Variants in SFRP1 observed in about 807,000 individuals in gnomAD.
SFRP1 encodes the protein secreted frizzled-related protein 1.
A neutral mutation model predicts 25.9 loss-of-function variants in SFRP1; 9 were observed. The ratio of observed to expected loss-of-function variants is 0.35; its 90% CI spans 0.21 to 0.61. SFRP1 has a LOEUF of 0.61. Among genes scored for constraint, SFRP1 ranks in the 20% least tolerant of loss-of-function variants. The pLI is 0.78. For missense variants in SFRP1, 346 were observed against 418.2 expected (o/e 0.83, Z 1.51); for synonymous variants, 178 against 174.0 (o/e 1.02, Z -0.18).
chr8:41,282,504 C>T (rs992404413), intron 2 of SFRP1, among the ~76,000 whole-genome samples: 3 of 151,730 alleles, frequency 2.0e-5, no homozygotes, highest in Non-Finnish European at 4.4e-5. Flanking sequence ...CAGAGAAAGA[C>T]CCTGCCTCCA....
At chr8:41,274,368 T>A (rs1037238759) in intron 2 of SFRP1, among the ~76,000 whole-genome samples, 5 of 152,150 alleles carry the variant, frequency 3.3e-5, no homozygotes, top group African/African-American at 1.2e-4. Flanking sequence ...ACTGGGTTAA[T>A]AAAATGGGGC....
rs1421991284 is a variant in SFRP1, at chr8:41,263,358, A to G, written c.*1809T>C. ...ATGAAAGGTCAGAGAGAACCCCACA[A>G]AAAAGGTGTTAAAAGGACAGGATCA... is the stretch of plus-strand genomic sequence containing the variant. On this transcript the variant is annotated 3_prime_UTR_variant, in exon 3 of 3. Transcript: ENST00000220772. The G allele has an allele frequency of 6.6e-6, 1 of 152,398 alleles. No individual in the cohort carries two copies. The highest frequency in any genetic ancestry group is 6.5e-5 in the Admixed American group (1 of 15,282). 9.4% of individuals were successfully genotyped at this position (152,398 alleles called of 1,614,324 possible). A position where few individuals can be genotyped will look rare whatever the true frequency, so the allele number is the denominator to read the frequency against.
Position 41,265,469 on chromosome 8 carries a change from C to A in SFRP1, c.643G>T (p.Glu215Ter). The change falls in exon 3 of 3, where the codon GAA becomes TAA. Residue 215 changes from glutamate to a stop codon, truncating the protein, a stop_gained. Transcript: ENST00000220772. LOFTEE classifies it high-confidence loss of function. Reference protein sequence around the residue: ...SEFALRMKIKEVKKENGDKKI... With the variant: ...SEFALRMKIK Reference sequence around the variant, plus strand: ...TTGTCGCCATTTTCTTTTTTCACTTCTTTTATTTTCATCCTCAGTGCTAGA... The same window carrying A: ...TTGTCGCCATTTTCTTTTTTCACTTATTTTATTTTCATCCTCAGTGCTAGA... The A allele has an allele frequency of 1.2e-6, 2 of 1,606,766 alleles. No homozygotes were observed. The highest frequency in any genetic ancestry group is 1.7e-6 in the Non-Finnish European group (2 of 1,178,330).
intron 2 of SFRP1, among the ~76,000 whole-genome samples, chr8:41,288,898 G>A (rs1216918483): frequency 6.6e-6 from 1 of 152,168 alleles, no homozygotes; most frequent in Non-Finnish European, 1.5e-5. Context: ...TTCAGGAGAG[G>A]GGCTGCAAAT....
chr8:41,275,367 T>C (rs1194652611), intron 2 of SFRP1: 2 of 300,228 alleles, frequency 6.7e-6, no homozygotes, highest in Admixed American at 4.9e-5. Flanking sequence ...CAGAGACAGA[T>C]ACCAGACCAC....
At chr8:41,280,947 AT>A (rs1435659152) in intron 2 of SFRP1, among the ~76,000 whole-genome samples, 2 of 152,208 alleles carry the variant, frequency 1.3e-5, no homozygotes, top group African/African-American at 4.8e-5. Context: ...CAACAGACAG[AT>A]TCTTTTAATG....
At position 41,308,816 on chromosome 8, in the gene SFRP1, G is replaced by C; in HGVS notation, c.344C>G (p.Ser115Trp). Residue 115 changes from serine to tryptophan, a missense_variant, in exon 1 of 3, where the codon TCG becomes TGG. Physicochemically the swap from Ser to Trp is radical, Grantham distance 177. Transcript: ENST00000220772. ...GTCCAGGCAGACGGGCGCGAAGAGC[G>C]AGCAGAGGAAGACCTGGGTGCCGGC... ...CHAGTQVFLC[S>W]LFAPVCLDRP... 1.2e-6 allele frequency: 2 copies of C among 1,610,478 alleles called. No individual in the cohort carries two copies. Among genetic ancestry groups the C allele is most frequent in the Non-Finnish European group, 1.7e-6 (2 of 1,179,160 alleles).
At position 41,265,181 on chromosome 8, in the gene SFRP1, A is replaced by G. The variant is rs1803419958; in HGVS notation, c.931T>C (p.Ser311Pro). Reference sequence around the variant, plus strand: ...CCCCGGGAGAATCACTTAAACACGGACTGAAAGGTGGGGCACTCATGGTTT... The same window carrying G: ...CCCCGGGAGAATCACTTAAACACGGGCTGAAAGGTGGGGCACTCATGGTTT... ...MKNHECPTFQ[S>P]VFK is the part of the protein sequence containing the mutation. Residue 311 changes from serine to proline, a missense_variant, in exon 3 of 3, where the codon TCC becomes CCC. By Grantham distance (74) the Ser-to-Pro change is moderately conservative. Transcript: ENST00000220772. 2 of 1,315,112 alleles carry G rather than the reference A, an allele frequency of 1.5e-6. No individual in the cohort carries two copies. The highest frequency in any genetic ancestry group is 1.6e-5 in the African/African-American group (1 of 62,420). 81.5% of individuals were successfully genotyped at this position (1,315,112 alleles called of 1,614,324 possible). A position where few individuals can be genotyped will look rare whatever the true frequency, so the allele number is the denominator to read the frequency against.
chr8:41,283,866 C>T (rs1185627383), intron 2 of SFRP1, among the ~76,000 whole-genome samples: 1 of 152,048 alleles, frequency 6.6e-6, no homozygotes, highest in Admixed American at 6.6e-5. Context: ...CCCGGCCAAA[C>T]TCCTCCAATT....
rs1326077718 is a variant in SFRP1, at chr8:41,264,582, C to G, written c.*585G>C. On this transcript the variant is annotated 3_prime_UTR_variant, in exon 3 of 3. Transcript: ENST00000220772. ...GAAGGCAATGCCTCTCCCCTGGTCC[C>G]TTTGCTGTCACTATTACATAATGGA... 2 of 152,476 alleles carry G rather than the reference C, an allele frequency of 1.3e-5. No individual in the cohort carries two copies. Among genetic ancestry groups the G allele is most frequent in the African/African-American group, 2.4e-5 (1 of 41,458 alleles). 9.4% of individuals were successfully genotyped at this position (152,476 alleles called of 1,614,324 possible).
intron 2 of SFRP1, among the ~76,000 whole-genome samples, chr8:41,287,389 C>T (rs1333572160): frequency 2.6e-5 from 4 of 152,216 alleles, no homozygotes; most frequent in Non-Finnish European, 2.9e-5. Flanking sequence ...CGATGCTGAG[C>T]GCTCATTCTA....
chr8:41,308,583 G>A (rs1376519996), intron 1 of SFRP1, 33 bp downstream of exon 1: 5 of 1,509,954 alleles, frequency 3.3e-6, no homozygotes, highest in Admixed American at 1.9e-5. Flanking sequence ...GATGGAGGGG[G>A]CGGCTCGCGC....
intron 2 of SFRP1, chr8:41,276,974 T>A (rs1449151621): frequency 4.4e-6 from 2 of 456,204 alleles, no homozygotes; most frequent in African/African-American, 2.0e-5. Context: ...GCAGCATCGG[T>A]GTCAGCCATC....
Position 41,303,552 on chromosome 8 carries a change from T to C in SFRP1, c.545-14A>G. Reference sequence around the variant, plus strand: ...ACACCGTTGTGCCTGGGAAAGGAAGTAGGGAGAAACGGAACTGTAAGTTAC... The same window carrying C: ...ACACCGTTGTGCCTGGGAAAGGAAGCAGGGAGAAACGGAACTGTAAGTTAC... On this transcript the variant is annotated splice_polypyrimidine_tract_variant and intron_variant, in intron 1 of 2. Transcript: ENST00000220772. 2 of 1,607,948 alleles carry C rather than the reference T, an allele frequency of 1.2e-6. No individual in the cohort carries two copies. Among genetic ancestry groups the C allele is most frequent in the Admixed American group, 1.7e-5 (1 of 59,930 alleles).
At chr8:41,299,662 C>CAAAAAAAAA (rs61141419) in intron 2 of SFRP1, among the ~76,000 whole-genome samples, 48 of 66,346 alleles carry the variant, frequency 7.2e-4, no homozygotes, top group Middle Eastern at 0.011. Flanking sequence ...GACTTAGTCT[C>CAAAAAAAAA]AAAAAAAAAA....
At chr8:41,293,382 T>C (rs142840973) in intron 2 of SFRP1, among the ~76,000 whole-genome samples, 42 of 152,290 alleles carry the variant, frequency 2.8e-4, no homozygotes, top group African/African-American at 9.6e-4. Flanking sequence ...AAGCAGAACA[T>C]AGAATGCGAA....
chr8:41,307,129 G>A (rs543068534), intron 1 of SFRP1: 15 of 848,998 alleles, frequency 1.8e-5, no homozygotes, highest in Non-Finnish European at 2.5e-5. Context: ...GCAGGCTGCA[G>A]GGGATGGGTG....
intron 2 of SFRP1, among the ~76,000 whole-genome samples, chr8:41,286,753 G>GT (rs1291855413): frequency 6.6e-6 from 1 of 152,190 alleles, no homozygotes; most frequent in Non-Finnish European, 1.5e-5. Context: ...CATTTCAAGG[G>GT]TAGGATTCAT....
intron 2 of SFRP1, among the ~76,000 whole-genome samples, chr8:41,294,952 CCCT>C (rs1468838658): frequency 2.0e-5 from 3 of 152,180 alleles, no homozygotes; most frequent in African/African-American, 4.8e-5. Context: ...TTAAACTCAG[CCCT>C]GCAGGAAGAA....
Sources: gnomAD v4.1 joint callset for allele counts (sites outside exome capture counted in the v4.1 genomes callset) on GRCh38, gnomAD v4.1.1 for gene constraint, MANE v1.5 for transcripts, NCBI Gene and HGNC (gene_info 2026-07-23, HGNC 2026-07-21) for gene names.